The following VAPA variants were observed in gnomAD, a reference collection of about 807,000 sequenced individuals.
The protein encoded by VAPA is vesicle-associated membrane protein-associated protein A.
VAPA carries 6 observed loss-of-function variants against 25.6 expected under a neutral mutation model. That is an observed-to-expected ratio of 0.23 (90% CI 0.13 to 0.46). The LOEUF (loss-of-function observed/expected upper bound fraction) is 0.46, where lower values mean the gene tolerates loss of function less well. Among genes scored for constraint, VAPA ranks in the 20% least tolerant of loss-of-function variants. The probability of loss-of-function intolerance (pLI) is 0.99; values close to 1 mark genes in which losing one functional copy is unlikely to be tolerated. For synonymous variants in VAPA, 112 were observed against 106.2 expected, an observed-to-expected ratio of 1.05 and a Z score of -0.34; for missense variants, 244 against 302.1, an observed-to-expected ratio of 0.81 and a Z score of 1.43.
chr18:9,937,829 C>T (rs2069327144), intron 4 of VAPA, among the ~76,000 whole-genome samples: 1 of 152,094 alleles, frequency 6.6e-6, no homozygotes, highest in African/African-American at 2.4e-5. Flanking sequence ...GACATGACTA[C>T]TGCCTTAATC....
intron 2 of VAPA, among the ~76,000 whole-genome samples, chr18:9,932,755 G>GC (rs1286921415): frequency 6.6e-6 from 1 of 152,200 alleles, no homozygotes; most frequent in Non-Finnish European, 1.5e-5. Context: ...AACACAGGGA[G>GC]CAGGAACACA....
At chr18:9,920,023 C>T (rs1490134349) in intron 1 of VAPA, among the ~76,000 whole-genome samples, 1 of 152,018 alleles carries the variant, frequency 6.6e-6, no homozygotes, top group Non-Finnish European at 1.5e-5. Flanking sequence ...GTATGAATGT[C>T]TGAGATTTCT....
chr18:9,950,940 T>C (rs2069483173), intron 5 of VAPA: 1 of 200,588 alleles, frequency 5.0e-6, no homozygotes, highest in Admixed American at 5.4e-5. Context: ...TGGGATTTGT[T>C]CAAATTGAGC....
At chr18:9,919,950 G>A (rs1449351474) in intron 1 of VAPA, among the ~76,000 whole-genome samples, 1 of 152,190 alleles carries the variant, frequency 6.6e-6, no homozygotes, top group African/African-American at 2.4e-5. Context: ...GGTATTGGAG[G>A]TGATGAAAAG....
At chr18:9,916,869 G>T (rs2069115888) in intron 1 of VAPA, among the ~76,000 whole-genome samples, 2 of 152,152 alleles carry the variant, frequency 1.3e-5, no homozygotes, top group South Asian at 4.1e-4. Flanking sequence ...GTTTGAGATG[G>T]TTTCTCCAGG....
At chr18:9,936,900 CT>C in intron 3 of VAPA, 85 bp from the exon 4 acceptor site, 1 of 1,158,718 alleles carries the variant, frequency 8.6e-7, no homozygotes, top group Non-Finnish European at 1.3e-6. Context: ...GGCAGCTTCA[CT>C]CATCTTTTAG....
Position 9,914,360 on chromosome 18 carries a change from G to C in VAPA, c.79+25G>C, listed in dbSNP as rs1335937931. The C allele has an allele frequency of 7.1e-6, 11 of 1,554,300 alleles. No individual in the cohort carries two copies. In the African/African-American group the frequency reaches 7.1e-5, roughly 10 times the overall value. ...GGTAGGCAGAACGGGGACACCCCCG[G>C]GTGGGGTGGGGCGCGCGGACCGCTG... is the stretch of plus-strand genomic sequence containing the variant. On this transcript the variant is annotated intron_variant, in intron 1 of 5. Coordinates refer to ENST00000400000, the MANE Select transcript of VAPA (RefSeq NM_194434.3).
chr18:9,941,539 A>G (rs1001144267), intron 4 of VAPA, among the ~76,000 whole-genome samples: 1 of 152,170 alleles, frequency 6.6e-6, no homozygotes, highest in African/African-American at 2.4e-5. Flanking sequence ...ATAAGACCCT[A>G]TTGATAATTG....
chr18:9,930,477 T>A (rs1870529029), intron 1 of VAPA, among the ~76,000 whole-genome samples: 2 of 152,244 alleles, frequency 1.3e-5, no homozygotes, highest in Non-Finnish European at 2.9e-5. Flanking sequence ...AGCCATTTTG[T>A]GGATTCATGT....
chr18:9,932,025 G>A (rs1403353484), intron 2 of VAPA, 63 bp downstream of exon 2: 1 of 1,208,588 alleles, frequency 8.3e-7, no homozygotes, highest in Non-Finnish European at 1.2e-6. Flanking sequence ...TTATGTTTTT[G>A]TTTAATAAGG....
chr18:9,944,904 T>A (rs755711248), intron 4 of VAPA: 6 of 1,612,574 alleles, frequency 3.7e-6, no homozygotes, highest in Non-Finnish European at 5.1e-6. Flanking sequence ...TCTGAGAATA[T>A]GTTTCCCATG....
rs189984208 is a variant in VAPA, at chr18:9,951,226, C to T, written c.591+658C>T. On this transcript the variant is annotated intron_variant, in intron 5 of 5. Coordinates refer to ENST00000400000, the MANE Select transcript of VAPA (RefSeq NM_194434.3). ...GCTGGAGAAGCATCTGTTTATCACCCCTCTTTGCTTTAGTGTAAGCTCTTC... is the reference window on the plus strand; with the variant it reads ...GCTGGAGAAGCATCTGTTTATCACCTCTCTTTGCTTTAGTGTAAGCTCTTC... The T allele has an allele frequency of 2.0e-5, 3 of 152,286 alleles. No homozygotes were observed. In the East Asian group the frequency reaches 5.8e-4, roughly 29 times the overall value. 9.4% of individuals were successfully genotyped at this position (152,286 alleles called of 1,614,324 possible).
chr18:9,949,317 T>G (rs922566978), intron 4 of VAPA: 7 of 152,228 alleles, frequency 4.6e-5, no homozygotes, highest in Non-Finnish European at 1.0e-4. Context: ...CATGCTGTTG[T>G]TCATTAGAAC....
chr18:9,938,395 G>A (rs1448014804), intron 4 of VAPA, among the ~76,000 whole-genome samples: 5 of 152,182 alleles, frequency 3.3e-5, no homozygotes, highest in African/African-American at 1.2e-4. Flanking sequence ...AACCAAACCA[G>A]AAGTTGATGG....
intron 1 of VAPA, among the ~76,000 whole-genome samples, chr18:9,928,938 A>G (rs143777113): frequency 5.5e-4 from 84 of 152,308 alleles, no homozygotes; most frequent in African/African-American, 1.9e-3. Flanking sequence ...TTAAAAGGGC[A>G]AAATAAGAAT....
intron 4 of VAPA, among the ~76,000 whole-genome samples, chr18:9,943,537 C>T (rs569241004): frequency 1.5e-4 from 23 of 152,252 alleles, no homozygotes; most frequent in Middle Eastern, 3.4e-3. Context: ...AGCCTGTTCC[C>T]TGTATTGTTG....
At chr18:9,923,120 A>C (rs991183209) in intron 1 of VAPA, among the ~76,000 whole-genome samples, 10 of 152,190 alleles carry the variant, frequency 6.6e-5, no homozygotes, top group African/African-American at 2.4e-4. Flanking sequence ...TGCATCATTA[A>C]TATACCATAG....
intron 2 of VAPA, among the ~76,000 whole-genome samples, chr18:9,932,871 G>A (rs1299265222): frequency 6.6e-6 from 1 of 152,150 alleles, no homozygotes; most frequent in Admixed American, 6.5e-5. Flanking sequence ...CACTTTGGGA[G>A]GCCGAGGCGG....
chr18:9,924,177 T>A (rs917234277), intron 1 of VAPA, among the ~76,000 whole-genome samples: 1 of 152,088 alleles, frequency 6.6e-6, no homozygotes, highest in Non-Finnish European at 1.5e-5. Context: ...AAACTTTAGA[T>A]CTAAATAATA....
Sources: allele counts gnomAD v4.1 joint callset (sites outside exome capture counted in the v4.1 genomes callset), GRCh38; gene constraint gnomAD v4.1.1; transcripts MANE v1.5; gene names NCBI Gene and HGNC (gene_info 2026-07-23, HGNC 2026-07-21).